Variants in FAM227A observed in about 807,000 individuals in gnomAD.
The protein encoded by FAM227A is family with sequence similarity 227 member A.
A neutral mutation model predicts 74.7 loss-of-function variants in FAM227A; 80 were observed. The ratio of observed to expected loss-of-function variants is 1.07; its 90% CI spans 0.89 to 1.29. The LOEUF (loss-of-function observed/expected upper bound fraction) is 1.29, where lower values mean the gene tolerates loss of function less well. Ranked by LOEUF, FAM227A falls within the 50% of genes most tolerant of loss-of-function variation. The pLI is 0.00. For missense variants in FAM227A, 654 were observed against 683.4 expected (o/e 0.96, Z 0.48); for synonymous variants, 237 against 241.8 (o/e 0.98, Z 0.19).
At chr22:38,640,266 C>T (rs1055545145) in intron 3 of FAM227A, among the ~76,000 whole-genome samples, 35 of 152,122 alleles carry the variant, frequency 2.3e-4, no homozygotes, top group Admixed American at 3.9e-4. Flanking sequence ...ATCTCCTGAC[C>T]TCCTCATCTG....
At chr22:38,591,761 G>A (rs2090942254) in intron 15 of FAM227A, among the ~76,000 whole-genome samples, 1 of 152,108 alleles carries the variant, frequency 6.6e-6, no homozygotes, top group Non-Finnish European at 1.5e-5. Flanking sequence ...TCGAGAAAGA[G>A]AACGCTGCCA....
At chr22:38,611,259 C>G (rs753256320) in intron 11 of FAM227A, among the ~76,000 whole-genome samples, 2 of 151,518 alleles carry the variant, frequency 1.3e-5, no homozygotes, top group Non-Finnish European at 2.9e-5. Context: ...AGATTCAGCA[C>G]GCTGAGGGCT....
chr22:38,639,544 A>C, intron 4 of FAM227A, 111 bp downstream of exon 4: 4 of 1,058,920 alleles, frequency 3.8e-6, no homozygotes, highest in Non-Finnish European at 5.7e-6. Context: ...CCTTCAGAAG[A>C]AGACAGAAAC....
intron 11 of FAM227A, among the ~76,000 whole-genome samples, chr22:38,616,282 G>T (rs1010397969): frequency 1.3e-5 from 2 of 152,204 alleles, no homozygotes; most frequent in African/African-American, 4.8e-5. Context: ...TGGGGTCCCC[G>T]CGCTGTTGGC....
chr22:38,628,628 C>A (rs1162583389), intron 7 of FAM227A, among the ~76,000 whole-genome samples: 2 of 152,132 alleles, frequency 1.3e-5, no homozygotes, highest in Admixed American at 1.3e-4. Flanking sequence ...GCTCCTAAAG[C>A]CTGGGGGAGC....
At chr22:38,641,405 A>G (rs1044286943) in intron 3 of FAM227A, among the ~76,000 whole-genome samples, 1 of 152,158 alleles carries the variant, frequency 6.6e-6, no homozygotes, top group African/African-American at 2.4e-5. Flanking sequence ...ATAAAAAATT[A>G]GCCGGGCGTG....
In FAM227A at chr22:38,655,671, T is replaced by C. The variant is rs568290254; in HGVS notation, c.-95+449A>G. On this transcript the variant is annotated intron_variant, in intron 1 of 16. Transcript: ENST00000535113. ...TTTTTTACTTTTTAAAAAATGTGGC[T>C]ACTAGAAAATTCCAAATCACATATG... is the stretch of plus-strand genomic sequence containing the variant. Among the ~76,000 whole-genome samples the C allele has an allele frequency of 1.4e-4, 21 of 152,348 alleles. No homozygotes were observed. In the East Asian group the frequency reaches 4.0e-3, roughly 29 times the overall value.
At chr22:38,636,349 G>A (rs1274953787) in intron 6 of FAM227A, 102 bp downstream of exon 6, 5 of 1,282,996 alleles carry the variant, frequency 3.9e-6, no homozygotes, top group Non-Finnish European at 5.3e-6. Flanking sequence ...CAAGCCTGTG[G>A]CCCTAGGTGA....
At chr22:38,634,525 A>G (rs2091968376) in intron 6 of FAM227A, among the ~76,000 whole-genome samples, 1 of 152,206 alleles carries the variant, frequency 6.6e-6, no homozygotes, top group African/African-American at 2.4e-5. Flanking sequence ...TTATTTCACA[A>G]TAACACCTCA....
At chr22:38,647,342 A>G (rs1056986046) in intron 2 of FAM227A, among the ~76,000 whole-genome samples, 2 of 151,638 alleles carry the variant, frequency 1.3e-5, no homozygotes, top group African/African-American at 4.8e-5. Context: ...GCAGACGCCT[A>G]TAGTCCCAGC....
At chr22:38,606,227 C>T (rs1274640636) in intron 12 of FAM227A, among the ~76,000 whole-genome samples, 1 of 152,074 alleles carries the variant, frequency 6.6e-6, no homozygotes, top group Non-Finnish European at 1.5e-5. Context: ...AGTGCAGTGG[C>T]TCAATCATGA....
In FAM227A at chr22:38,628,930, GA is replaced by G. The variant is rs1474680695; in HGVS notation, c.524del (p.Phe175SerfsTer7). On this transcript the variant is annotated frameshift_variant, in exon 7 of 17. Transcript: ENST00000535113. LOFTEE classifies it high-confidence loss of function. ...ACTTCTCTAATTCTCTACCTGAACA[GA>G]AATGCTTGGAAAAAAAAATTCACAG... is the stretch of plus-strand genomic sequence containing the variant. ...AERDCLSGKHFCSGRELEKFL... is the reference protein window; with the variant it reads ...AERDCLSGKHXCSGRELEKFL... 4.0e-6 allele frequency: 6 copies of G among 1,483,710 alleles called. No homozygotes were observed. The highest frequency in any genetic ancestry group is 4.5e-6 in the Non-Finnish European group (5 of 1,103,238). The allele number at this position is 1,483,710 out of a possible 1,614,324, so 91.9% of individuals were successfully genotyped here.
At position 38,600,078 on chromosome 22, in the gene FAM227A, G is replaced by C. The variant is rs548062956; in HGVS notation, c.1222-157C>G. Among the ~76,000 whole-genome samples, 10 of 152,166 alleles carry C rather than the reference G, an allele frequency of 6.6e-5. No individual in the cohort carries two copies. In the South Asian group the frequency reaches 2.1e-3, roughly 32 times the overall value. On this transcript the variant is annotated intron_variant, in intron 13 of 16. Transcript: ENST00000535113. ...ATTACTCAAAATAAAGCAAAAAAAG[G>C]TCAAGGGGCAAAGATGTCCACTGCA...
intron 11 of FAM227A, among the ~76,000 whole-genome samples, chr22:38,614,722 T>C (rs1324718373): frequency 6.6e-6 from 1 of 152,176 alleles, no homozygotes; most frequent in Non-Finnish European, 1.5e-5. Flanking sequence ...TTGGGGGCAG[T>C]AAATGGAATC....
chr22:38,624,362 A>G (rs1243560731), intron 9 of FAM227A, among the ~76,000 whole-genome samples: 1 of 151,874 alleles, frequency 6.6e-6, no homozygotes, highest in Non-Finnish European at 1.5e-5. Context: ...GCCCTCCAGC[A>G]TGGGCAATAA....
chr22:38,600,124 C>A (rs2091140192), intron 13 of FAM227A, among the ~76,000 whole-genome samples: 1 of 151,852 alleles, frequency 6.6e-6, no homozygotes, highest in South Asian at 2.1e-4. Flanking sequence ...CTATACATAG[C>A]AAAATATGAG....
At chr22:38,586,243 A>C in intron 16 of FAM227A, 44 bp from the exon 17 acceptor site, 1 of 1,545,070 alleles carries the variant, frequency 6.5e-7, no homozygotes, top group Non-Finnish European at 8.8e-7. Context: ...TAATTTAAAA[A>C]ATGTAATTTC....
At chr22:38,597,068 C>G (rs2091061242) in intron 15 of FAM227A, 136 bp downstream of exon 15, 3 of 769,420 alleles carry the variant, frequency 3.9e-6, no homozygotes, top group Non-Finnish European at 6.3e-6. Context: ...TATAATCTGA[C>G]CACAAGAAAG....
chr22:38,648,684 G>A (rs1343775284), intron 2 of FAM227A, among the ~76,000 whole-genome samples: 1 of 144,318 alleles, frequency 6.9e-6, no homozygotes, highest in Non-Finnish European at 1.5e-5. Flanking sequence ...TTTAAAAATG[G>A]GCTAAAGGTT....
Sources: allele counts gnomAD v4.1 joint callset (sites outside exome capture counted in the v4.1 genomes callset), GRCh38; gene constraint gnomAD v4.1.1; transcripts MANE v1.5; gene names NCBI Gene and HGNC (gene_info 2026-07-23, HGNC 2026-07-21).